The following C12orf56 variants were observed in gnomAD, a reference collection of about 807,000 sequenced individuals.
C12orf56 encodes uncharacterized protein C12orf56.
Under a neutral mutation model 69.9 loss-of-function variants are expected in C12orf56, and 71 were observed. The observed-to-expected ratio is 1.02, with a 90% CI of 0.84 to 1.24. C12orf56 has a LOEUF of 1.24. Ranked by LOEUF, C12orf56 falls within the 50% of genes most tolerant of loss-of-function variation. C12orf56 has a pLI of 0.00. For synonymous variants in C12orf56, 276 were observed against 274.1 expected (o/e 1.01, Z -0.07); for missense variants, 732 against 738.5 (o/e 0.99, Z 0.10).
chr12:64,390,337 G>A lies in C12orf56; in HGVS notation c.229C>T (p.Arg77Trp), dbSNP rs201426742. The part of the protein sequence containing the change: ...PKSIRRVVAL[R>W]DVVAIDLIDD... The stretch of plus-strand genomic sequence containing the variant: ...ACCAGGTCAATGGCCACGACGTCCC[G>A]CAGAGCCACTACCCGCCGGATGGAC... Residue 77 changes from arginine to tryptophan, a missense_variant, in exon 1 of 13, where the codon CGG becomes TGG. Physicochemically the swap from Arg to Trp is moderately radical, Grantham distance 101. Coordinates refer to ENST00000543942, the MANE Select transcript of C12orf56 (RefSeq NM_001170633.2). The A allele has an allele frequency of 5.0e-4, 813 of 1,610,850 alleles. 11 individuals are homozygous for A. In the Middle Eastern group the frequency reaches 5.6e-3, roughly 11 times the overall value.
chr12:64,327,013 G>A (rs1275927342), intron 3 of C12orf56, among the ~76,000 whole-genome samples: 2 of 152,280 alleles, frequency 1.3e-5, no homozygotes, highest in East Asian at 1.9e-4. Flanking sequence ...TCATGGGAAT[G>A]GAACTGGCTT....
chr12:64,353,094 A>G, intron 1 of C12orf56, 38 bp from the exon 2 acceptor site: 1 of 1,583,876 alleles, frequency 6.3e-7, no homozygotes, highest in Non-Finnish European at 8.6e-7. Context: ...GAAGACAAAT[A>G]CAACTGCTTA....
intron 8 of C12orf56, among the ~76,000 whole-genome samples, chr12:64,281,038 C>T (rs1476058309): frequency 1.3e-5 from 2 of 152,038 alleles, no homozygotes; most frequent in South Asian, 2.1e-4. Context: ...TTTGGGAGGC[C>T]GACGGGGGGT....
At chr12:64,386,642 C>T (rs1180477467) in intron 1 of C12orf56, among the ~76,000 whole-genome samples, 3 of 151,894 alleles carry the variant, frequency 2.0e-5, no homozygotes, top group Admixed American at 6.6e-5. Context: ...GTGATCCGCC[C>T]ATCTCGGCTT....
chr12:64,304,338 G>GA (rs1448606199), intron 5 of C12orf56, among the ~76,000 whole-genome samples: 1 of 152,076 alleles, frequency 6.6e-6, no homozygotes, highest in Non-Finnish European at 1.5e-5. Flanking sequence ...GATCAGCCTA[G>GA]CTGGAAAAAG....
rs565166263 is a variant in C12orf56, at chr12:64,310,003, C to A, written c.968+2676G>T. 6.1e-5 allele frequency among the ~76,000 whole-genome samples: 6 copies of A among 98,184 alleles called. No individual in the cohort carries two copies. In the South Asian group the frequency reaches 2.4e-3, roughly 39 times the overall value. 64.4% of individuals were successfully genotyped at this position (98,184 alleles called of 152,430 possible). On this transcript the variant is annotated intron_variant, in intron 5 of 12. Coordinates refer to ENST00000543942, the MANE Select transcript of C12orf56 (RefSeq NM_001170633.2). The stretch of plus-strand genomic sequence containing the variant: ...ATGATCCCTCCATTTTAAAGTTCCA[C>A]TTCACCTTTTTTTTTTAAATCTCTT...
At chr12:64,269,945 A>C (rs1210289067) in intron 12 of C12orf56, among the ~76,000 whole-genome samples, 1 of 152,114 alleles carries the variant, frequency 6.6e-6, no homozygotes, top group Non-Finnish European at 1.5e-5. Context: ...CTTCCGTGAG[A>C]TGCAGCTACA....
At chr12:64,338,675 A>G (rs1485405010) in intron 2 of C12orf56, 2 of 1,571,078 alleles carry the variant, frequency 1.3e-6, no homozygotes, top group Non-Finnish European at 1.8e-6. Flanking sequence ...ACCTTTCTCT[A>G]TGTTGAACTC....
In C12orf56 at chr12:64,318,618, G is replaced by T. The variant is rs1372663458; in HGVS notation, c.851C>A (p.Ser284Ter). The T allele has an allele frequency of 4.6e-6, 7 of 1,536,548 alleles. No homozygotes were observed. Among genetic ancestry groups the T allele is most frequent in the Non-Finnish European group, 5.2e-6 (6 of 1,146,508 alleles). ...TGAACTTTTTAAGTGCAGAAATATT[G>T]ATGAGGTTGTGGAAATAACATACAA... ...LHLYVISTTS[S>*]IFLHLKSSWN... The change falls in exon 4 of 13, where the codon TCA becomes TAA. Residue 284 changes from serine (S) to a stop codon, truncating the protein, a stop_gained. Coordinates refer to ENST00000543942, the MANE Select transcript of C12orf56 (RefSeq NM_001170633.2). LOFTEE classifies it high-confidence loss of function.
chr12:64,384,752 T>C (rs1444532546), intron 1 of C12orf56, among the ~76,000 whole-genome samples: 1 of 152,146 alleles, frequency 6.6e-6, no homozygotes, highest in Non-Finnish European at 1.5e-5. Context: ...GTATTTGTTC[T>C]CACACTTAAA....
chr12:64,344,304 A>T (rs947022013), intron 2 of C12orf56, among the ~76,000 whole-genome samples: 11 of 152,212 alleles, frequency 7.2e-5, no homozygotes, highest in Non-Finnish European at 2.9e-5. Context: ...AAACTGGCTC[A>T]AATCTGGAAA....
chr12:64,312,160 G>A (rs2136824371), intron 5 of C12orf56, among the ~76,000 whole-genome samples: 1 of 152,278 alleles, frequency 6.6e-6, no homozygotes, highest in South Asian at 2.1e-4. Context: ...GAGGGAAGAT[G>A]CTGAGTTCTC....
intron 3 of C12orf56, among the ~76,000 whole-genome samples, chr12:64,323,854 G>A (rs2136849093): frequency 6.6e-6 from 1 of 152,110 alleles, no homozygotes; most frequent in East Asian, 1.9e-4. Context: ...TAAATTGGAG[G>A]AAAACAATGG....
intron 1 of C12orf56, among the ~76,000 whole-genome samples, chr12:64,371,967 G>C (rs1344232113): frequency 6.9e-6 from 1 of 145,720 alleles, no homozygotes; most frequent in Non-Finnish European, 1.5e-5. Flanking sequence ...TTTTAGTAGA[G>C]ACAGGGCTTC....
chr12:64,299,700 T>TA (rs1457975580), intron 6 of C12orf56, among the ~76,000 whole-genome samples: 2 of 152,008 alleles, frequency 1.3e-5, no homozygotes, highest in East Asian at 3.9e-4. Context: ...ATCACTATAG[T>TA]AAAAGGGAGG....
chr12:64,318,209 C>A (rs1248402183), intron 4 of C12orf56, among the ~76,000 whole-genome samples: 2 of 151,948 alleles, frequency 1.3e-5, no homozygotes, highest in African/African-American at 4.8e-5. Context: ...TACCGGCGCG[C>A]ACCACCACAT....
Position 64,284,767 on chromosome 12 carries a change from G to T in C12orf56, c.1221-14C>A. 1.3e-6 allele frequency: 2 copies of T among 1,549,262 alleles called. No homozygotes were observed. The highest frequency in any genetic ancestry group is 1.2e-5 in the South Asian group (1 of 81,504). ...TCAATGCATGCCCTAGAAAATAAAC[G>T]ATAAAAGGCAAAGAAATGGCATGAT... On this transcript the variant is annotated splice_polypyrimidine_tract_variant and intron_variant, in intron 7 of 12. Coordinates refer to ENST00000543942, the MANE Select transcript of C12orf56 (RefSeq NM_001170633.2).
chr12:64,318,513 G>C, intron 4 of C12orf56, 62 bp downstream of exon 4: 2 of 1,376,758 alleles, frequency 1.5e-6, no homozygotes, highest in Non-Finnish European at 1.9e-6. Context: ...AGGAGGGCTT[G>C]TTTGCTCTAA....
At chr12:64,268,514 A>T (rs1314523435) in intron 12 of C12orf56, among the ~76,000 whole-genome samples, 2 of 152,176 alleles carry the variant, frequency 1.3e-5, no homozygotes, top group African/African-American at 2.4e-5. Flanking sequence ...AATCCATCAC[A>T]ACAGAAAGTA....
Sources: allele counts gnomAD v4.1 joint callset (sites outside exome capture counted in the v4.1 genomes callset), GRCh38; gene constraint gnomAD v4.1.1; transcripts MANE v1.5; gene names NCBI Gene and HGNC (gene_info 2026-07-23, HGNC 2026-07-21).